The following CELF2 variants were observed in gnomAD, a reference collection of about 807,000 sequenced individuals.
CELF2 encodes the protein CUG triplet repeat RNA-binding protein 2.
CELF2 carries 8 observed loss-of-function variants against 62.6 expected under a neutral mutation model. That is an observed-to-expected ratio of 0.13 (90% CI 0.07 to 0.23). The LOEUF is 0.23. CELF2 is among the 10% of genes least tolerant of loss of function. CELF2 has a pLI of 1.00. For missense variants in CELF2, 333 were observed against 671.0 expected (o/e 0.50, Z 5.56); for synonymous variants, 258 against 250.0 (o/e 1.03, Z -0.30).
Position 11,269,660 on chromosome 10 carries a change from G to T in CELF2, c.619-1006G>T, listed in dbSNP as rs1419608029. Among the ~76,000 whole-genome samples, 1 of 150,496 alleles carries T rather than the reference G, an allele frequency of 6.6e-6. No individual in the cohort carries two copies. The highest frequency in any genetic ancestry group is 2.2e-4 in the South Asian group (1 of 4,446). On this transcript the variant is annotated intron_variant, in intron 6 of 12. Coordinates refer to ENST00000633077, the MANE Select transcript of CELF2 (RefSeq NM_001326342.2). This position sits in a 1 kb window ranked among gnomAD's most constrained non-coding sequence, Gnocchi z 4.4. ...AGGCAAGCCACACAAAGGAGGAGAA[G>T]AGGCTGGGGAAGGAGGGGGAGACTT... is the stretch of plus-strand genomic sequence containing the variant.
intron 1 of CELF2, among the ~76,000 whole-genome samples, chr10:11,044,570 A>T (rs1178420470): frequency 2.6e-5 from 4 of 152,186 alleles, no homozygotes; most frequent in Admixed American, 2.6e-4. Context: ...CATTTGAGAA[A>T]TGTTTCCCCC....
Position 11,326,083 on chromosome 10 carries a change from C to T in CELF2, c.1438+104C>T, listed in dbSNP as rs140364458. On this transcript the variant is annotated intron_variant, in intron 12 of 12. Coordinates refer to ENST00000633077, the MANE Select transcript of CELF2 (RefSeq NM_001326342.2). ...TTCAGCCAGGATAGGGCCTTCCCCA[C>T]ATTGTGTTGGGCTCTGATTTTCTGG... 6.8e-3 allele frequency: 7,769 copies of T among 1,139,790 alleles called. 49 individuals are homozygous for T. The highest frequency in any genetic ancestry group is 0.017 in the Middle Eastern group (68 of 4,074). 70.6% of individuals were successfully genotyped at this position (1,139,790 alleles called of 1,614,324 possible). A position where few individuals can be genotyped will look rare whatever the true frequency, so the allele number is the denominator to read the frequency against.
intron 1 of CELF2, among the ~76,000 whole-genome samples, chr10:11,097,038 C>T (rs992295965): frequency 2.6e-5 from 4 of 152,086 alleles, no homozygotes; most frequent in African/African-American, 9.7e-5. Flanking sequence ...AGTTTTTATC[C>T]CTGATTCAGA....
At chr10:10,503,430 T>C in the CELF2 span, among the ~76,000 whole-genome samples, 2 of 151,984 alleles carry the variant, frequency 1.3e-5, no homozygotes, top group Non-Finnish European at 2.9e-5. Context: ...CACTTAGGAT[T>C]GTTATATCTT....
chr10:11,226,557 G>C (rs938133334), intron 3 of CELF2, among the ~76,000 whole-genome samples: 3 of 151,788 alleles, frequency 2.0e-5, no homozygotes, highest in Admixed American at 2.0e-4. Flanking sequence ...CTGCTGACAG[G>C]GTGCAGCAGC....
chr10:10,733,158 G>T, the CELF2 span, among the ~76,000 whole-genome samples: 1 of 151,926 alleles, frequency 6.6e-6, no homozygotes, highest in Non-Finnish European at 1.5e-5. Context: ...AGCTAGCTTC[G>T]GCCCCCACAT....
At chr10:11,047,517 G>A (rs1776580481) in intron 1 of CELF2, among the ~76,000 whole-genome samples, 2 of 152,294 alleles carry the variant, frequency 1.3e-5, no homozygotes, top group African/African-American at 4.8e-5. Flanking sequence ...TTCTGATGCT[G>A]CTGTTCTGCA....
At chr10:10,932,124 C>A (rs1281773904) in intron 2 of CELF2, among the ~76,000 whole-genome samples, 1 of 152,052 alleles carries the variant, frequency 6.6e-6, no homozygotes, top group Non-Finnish European at 1.5e-5. Flanking sequence ...CTAATGACAT[C>A]CTTGATCAAG....
chr10:10,518,564 T>C, the CELF2 span, among the ~76,000 whole-genome samples: 8 of 152,196 alleles, frequency 5.3e-5, no homozygotes, highest in Non-Finnish European at 7.3e-5. Flanking sequence ...CTTATCATCT[T>C]AGCTGCAAAG....
the CELF2 span, among the ~76,000 whole-genome samples, chr10:10,544,113 G>T: frequency 1.3e-5 from 2 of 152,186 alleles, no homozygotes; most frequent in African/African-American, 4.8e-5. Flanking sequence ...ACCTATGAAC[G>T]TTCTGTTGCA....
At chr10:11,283,014 A>G (rs998529674) in intron 8 of CELF2, among the ~76,000 whole-genome samples, 9 of 152,196 alleles carry the variant, frequency 5.9e-5, no homozygotes, top group Non-Finnish European at 1.2e-4. Context: ...GCGATCCTTT[A>G]GCCTCAGCCT....
the CELF2 span, among the ~76,000 whole-genome samples, chr10:10,736,392 CTTTCT>C: frequency 7.6e-3 from 589 of 77,946 alleles, 1 homozygote; most frequent in African/African-American, 0.011. Flanking sequence ...TTCTTTCTTT[CTTTCT>C]TTTTTTTTTT....
At position 11,110,357 on chromosome 10, in the gene CELF2, A is replaced by C. The variant is rs968563232; in HGVS notation, c.75-55129A>C. 6.6e-6 allele frequency among the ~76,000 whole-genome samples: 1 copy of C among 152,194 alleles called. No homozygotes were observed. Among genetic ancestry groups the C allele is most frequent in the South Asian group, 2.1e-4 (1 of 4,826 alleles). ...CTAGAGTGTGATTTTCTGTGTGAGT[A>C]TTCATCCCCGTCATTGAGTGGAACA... On this transcript the variant is annotated intron_variant, in intron 1 of 12. Coordinates refer to ENST00000633077, the MANE Select transcript of CELF2 (RefSeq NM_001326342.2). The surrounding 1 kb of genome is among the most constrained non-coding windows in gnomAD (Gnocchi z 4.0).
At chr10:11,253,588 C>T (rs942164101) in intron 4 of CELF2, among the ~76,000 whole-genome samples, 1 of 152,218 alleles carries the variant, frequency 6.6e-6, no homozygotes, top group African/African-American at 2.4e-5. Context: ...TTAATTCAGG[C>T]AGCCCCAAAT....
At chr10:10,603,263 T>C in the CELF2 span, among the ~76,000 whole-genome samples, 1 of 151,938 alleles carries the variant, frequency 6.6e-6, no homozygotes, top group Non-Finnish European at 1.5e-5. Context: ...TTTAAAGCAA[T>C]GTTAAGTGCA....
rs2074179209 is a variant in CELF2, at chr10:11,242,301, C to CT, written c.355-6852_355-6851insT. ...TCATCAATTGGTGATGGCTGGGGTT[C>CT]AACAAGTTCCAACATGAGTTCTCCT... On this transcript the variant is annotated intron_variant, in intron 3 of 12. Coordinates refer to ENST00000633077, the MANE Select transcript of CELF2 (RefSeq NM_001326342.2). The surrounding 1 kb of genome is among the most constrained non-coding windows in gnomAD (Gnocchi z 4.8). Among the ~76,000 whole-genome samples the CT allele has an allele frequency of 6.6e-6, 1 of 152,178 alleles. No individual in the cohort carries two copies. Among genetic ancestry groups the CT allele is most frequent in the Non-Finnish European group, 1.5e-5 (1 of 68,044 alleles).
At chr10:11,026,845 T>A (rs2059296586) in intron 1 of CELF2, among the ~76,000 whole-genome samples, 1 of 152,178 alleles carries the variant, frequency 6.6e-6, no homozygotes, top group Non-Finnish European at 1.5e-5. Context: ...ACTTGTAAAT[T>A]CCACTGGAGC....
Position 11,243,708 on chromosome 10 carries a change from G to A in CELF2, c.355-5445G>A, listed in dbSNP as rs764681752. On this transcript the variant is annotated intron_variant, in intron 3 of 12. Coordinates refer to ENST00000633077, the MANE Select transcript of CELF2 (RefSeq NM_001326342.2). The surrounding 1 kb of genome is among the most constrained non-coding windows in gnomAD (Gnocchi z 4.1). The stretch of plus-strand genomic sequence containing the variant: ...TGTTTGTAAAATTCTTAGACTCGTC[G>A]AACAGCATAGACAGATCATGACAGC... Among the ~76,000 whole-genome samples the A allele has an allele frequency of 2.6e-5, 4 of 152,186 alleles. No individual in the cohort carries two copies. The highest frequency in any genetic ancestry group is 7.2e-5 in the African/African-American group (3 of 41,438).
At chr10:10,826,037 G>A (rs1036725108) in intron 1 of CELF2, among the ~76,000 whole-genome samples, 15 of 152,192 alleles carry the variant, frequency 9.9e-5, no homozygotes, top group African/African-American at 3.1e-4. Flanking sequence ...TAGGAATAGA[G>A]TCAGATAAAG....
Sources: gnomAD v4.1 joint callset for allele counts (sites outside exome capture counted in the v4.1 genomes callset) on GRCh38, gnomAD v4.1.1 for gene constraint, Gnocchi (gnomAD v3.1) non-coding constraint, MANE v1.5 for transcripts, NCBI Gene and HGNC (gene_info 2026-07-23, HGNC 2026-07-21) for gene names.